The following TRPC5 variants were observed in gnomAD, a reference collection of about 807,000 sequenced individuals.
TRPC5 encodes the protein transient receptor potential cation channel subfamily C member 5.
TRPC5 carries 9 observed loss-of-function variants against 56.5 expected under a neutral mutation model. That is an observed-to-expected ratio of 0.16 (90% confidence interval 0.10 to 0.28). The LOEUF is 0.28. Among genes scored for constraint, TRPC5 ranks in the 10% least tolerant of loss-of-function variants. The probability of loss-of-function intolerance (pLI) is 1.00; values close to 1 mark genes in which losing one functional copy is unlikely to be tolerated. For missense variants in TRPC5, 469 were observed against 748.9 expected (o/e 0.63, Z 4.36); for synonymous variants, 282 against 278.5 (o/e 1.01, Z -0.13).
intron 3 of TRPC5, among the ~76,000 whole-genome samples, chrX:111,854,317 T>C (rs1250592447): frequency 8.9e-6 from 1 of 112,163 alleles, no homozygotes; most frequent in Non-Finnish European, 1.9e-5. Context: ...TTAGTGTTCA[T>C]TATTTTTTAA....
intron 2 of TRPC5, among the ~76,000 whole-genome samples, chrX:111,940,463 G>T (rs1308162685): frequency 9.0e-6 from 1 of 111,077 alleles, no homozygotes; most frequent in Non-Finnish European, 1.9e-5. Flanking sequence ...GGCTGAGGTG[G>T]GCGGATCACC....
chrX:112,059,305 C>G (rs982818176), intron 1 of TRPC5, among the ~76,000 whole-genome samples: 1 of 111,823 alleles, frequency 8.9e-6, no homozygotes, highest in African/African-American at 3.3e-5. Flanking sequence ...TGGTGCTATT[C>G]TATGCACAAC....
chrX:112,066,236 A>G (rs1262842631), intron 1 of TRPC5, among the ~76,000 whole-genome samples: 1 of 110,422 alleles, frequency 9.1e-6, no homozygotes, highest in African/African-American at 3.3e-5. Flanking sequence ...CTGCACATAC[A>G]TTGAAAATAG....
At chrX:111,842,079 A>ATCTATG (rs1457105467) in intron 6 of TRPC5, among the ~76,000 whole-genome samples, 1 of 93,238 alleles carries the variant, frequency 1.1e-5, no homozygotes, top group Non-Finnish European at 2.0e-5. Context: ...CTATCTATCT[A>ATCTATG]TGTGTGTGTG....
At chrX:111,802,999 A>AT (rs1175788401) in intron 7 of TRPC5, among the ~76,000 whole-genome samples, 2 of 110,748 alleles carry the variant, frequency 1.8e-5, no homozygotes, top group East Asian at 5.7e-4. Flanking sequence ...GTTTCTCCTA[A>AT]TGCTATCCCT....
At chrX:111,821,972 C>A (rs1922046397) in intron 7 of TRPC5, among the ~76,000 whole-genome samples, 1 of 111,366 alleles carries the variant, frequency 9.0e-6, no homozygotes, top group African/African-American at 3.3e-5. Context: ...GGTCCAGAAA[C>A]ACCACAAAAA....
chrX:112,062,881 GA>G (rs1294567471), intron 1 of TRPC5, among the ~76,000 whole-genome samples: 7 of 111,719 alleles, frequency 6.3e-5, no homozygotes, highest in Non-Finnish European at 1.3e-4. Flanking sequence ...TAGGCAGTTG[GA>G]CCAGCTCGGA....
chrX:111,935,728 T>A, intron 2 of TRPC5, among the ~76,000 whole-genome samples: 1 of 112,234 alleles, frequency 8.9e-6, no homozygotes, highest in Non-Finnish European at 1.9e-5. Context: ...GAAGAGACTG[T>A]CCTTTCCCCA....
intron 8 of TRPC5, among the ~76,000 whole-genome samples, 180 bp from the exon 9 acceptor site, chrX:111,781,386 G>T (rs1288153579): frequency 8.9e-6 from 1 of 112,028 alleles, no homozygotes; most frequent in Non-Finnish European, 1.9e-5. Context: ...AAAACAGTGA[G>T]TTGGTCACAA....
chrX:111,916,179 A>G (rs2238999), intron 2 of TRPC5, among the ~76,000 whole-genome samples: 21,785 of 110,397 alleles, frequency 0.2, 3,405 homozygotes, highest in African/African-American at 0.53. Flanking sequence ...TTGTTTATAA[A>G]CCTGACTCCC....
chrX:111,956,507 C>T (rs1927239724), intron 1 of TRPC5, among the ~76,000 whole-genome samples: 1 of 110,829 alleles, frequency 9.0e-6, no homozygotes, highest in African/African-American at 3.3e-5. Flanking sequence ...TGGCTTAAAA[C>T]CATACTTCTC....
intron 7 of TRPC5, among the ~76,000 whole-genome samples, chrX:111,800,014 C>T (rs752827491): frequency 8.9e-6 from 1 of 111,853 alleles, no homozygotes; most frequent in African/African-American, 3.2e-5. Context: ...TGACAGGGAC[C>T]CTTCTATGAT....
At chrX:111,905,845 G>A (rs1925587709) in intron 3 of TRPC5, among the ~76,000 whole-genome samples, 2 of 105,439 alleles carry the variant, frequency 1.9e-5, no homozygotes, top group African/African-American at 7.1e-5. Context: ...AACCTGGGAG[G>A]CGGAGCTTGC....
chrX:111,893,448 GT>G (rs1924909754), intron 3 of TRPC5, among the ~76,000 whole-genome samples: 1 of 111,570 alleles, frequency 9.0e-6, no homozygotes, highest in Non-Finnish European at 1.9e-5. Context: ...TTTGAACAGT[GT>G]TTTGAGGAAA....
At chrX:112,039,860 C>T (rs969143818) in intron 1 of TRPC5, among the ~76,000 whole-genome samples, 2 of 112,345 alleles carry the variant, frequency 1.8e-5, no homozygotes, top group Non-Finnish European at 3.8e-5. Flanking sequence ...TTTATCCCAA[C>T]CTCTGCACCC....
intron 1 of TRPC5, among the ~76,000 whole-genome samples, chrX:112,043,132 G>T (rs1464097848): frequency 9.0e-6 from 1 of 111,679 alleles, no homozygotes; most frequent in Non-Finnish European, 1.9e-5. Flanking sequence ...TAAATCTTTT[G>T]AGGTAGGAAC....
chrX:112,073,260 TTTTG>T (rs943824333), intron 1 of TRPC5, among the ~76,000 whole-genome samples: 5 of 110,935 alleles, frequency 4.5e-5, no homozygotes, highest in South Asian at 3.8e-4. Context: ...AGAGATAAAT[TTTTG>T]TTTGTTTGTT....
chrX:112,067,410 T>A (rs937820983), intron 1 of TRPC5, among the ~76,000 whole-genome samples: 5 of 112,702 alleles, frequency 4.4e-5, no homozygotes, highest in African/African-American at 1.6e-4. Flanking sequence ...TAGATTGCTT[T>A]ATTTATTCCT....
At chrX:111,937,954 G>A (rs1472127488) in intron 2 of TRPC5, among the ~76,000 whole-genome samples, 27 of 91,407 alleles carry the variant, frequency 3.0e-4, no homozygotes, top group East Asian at 1.0e-3. Flanking sequence ...CCATTTTCAC[G>A]ATATTGATTC....
Sources: allele counts gnomAD v4.1 joint callset (sites outside exome capture counted in the v4.1 genomes callset), GRCh38; gene constraint gnomAD v4.1.1; transcripts MANE v1.5; gene names NCBI Gene and HGNC (gene_info 2026-07-23, HGNC 2026-07-21).